TMEM39A: variants seen among roughly 807,000 people sequenced by gnomAD.
TMEM39A encodes transmembrane protein 39A.
Under a neutral mutation model 51.9 loss-of-function variants are expected in TMEM39A, and 19 were observed. The ratio of observed to expected loss-of-function variants is 0.37; its 90% CI spans 0.26 to 0.54. TMEM39A has a LOEUF of 0.54. Ranked by LOEUF, TMEM39A falls within the 20% of genes least tolerant of loss-of-function variation. The probability of loss-of-function intolerance (pLI) is 0.88; values close to 1 mark genes in which losing one functional copy is unlikely to be tolerated. For synonymous variants in TMEM39A, 197 were observed against 220.2 expected (o/e 0.89, Z 0.93); for missense variants, 433 against 590.5 (o/e 0.73, Z 2.76).
chr3:119,451,843 A>AAAAG, intron 4 of TMEM39A, among the ~76,000 whole-genome samples: 1 of 151,152 alleles, frequency 6.6e-6, no homozygotes, highest in East Asian at 1.9e-4. Context: ...AAAAAAAAAA[A>AAAAG]AAAAAAAAAG....
chr3:119,453,748 T>C (rs193071159), intron 3 of TMEM39A, among the ~76,000 whole-genome samples: 2 of 152,170 alleles, frequency 1.3e-5, no homozygotes, highest in Admixed American at 1.3e-4. Context: ...GTTTATTAAA[T>C]AGGGAAATAA....
At chr3:119,447,357 C>G (rs538703993) in intron 4 of TMEM39A, among the ~76,000 whole-genome samples, 185 bp from the exon 5 acceptor site, 1 of 152,306 alleles carries the variant, frequency 6.6e-6, no homozygotes, top group Non-Finnish European at 1.5e-5. Flanking sequence ...CTTCTCCAGG[C>G]ACAGTTGTTT....
In TMEM39A at chr3:119,434,746, A is replaced by G. The variant is rs773820626; in HGVS notation, c.1233+16T>C. On this transcript the variant is annotated intron_variant, in intron 8 of 8. Transcript: ENST00000319172. ...ACCCCTAAGCTTATGTTTGAAAATA[A>G]ATAAGCGGTACTTGCATAAAAGCGG... The G allele has an allele frequency of 6.2e-7, 1 of 1,613,102 alleles. No individual in the cohort carries two copies. Among genetic ancestry groups the G allele is most frequent in the African/African-American group, 1.3e-5 (1 of 75,004 alleles).
intron 5 of TMEM39A, among the ~76,000 whole-genome samples, chr3:119,440,491 AT>A (rs34066888): frequency 0.14 from 22,048 of 152,190 alleles, 2,007 homozygotes; most frequent in Admixed American, 0.2. Context: ...TGATAATGCA[AT>A]AGTAAAAACT....
chr3:119,454,501 C>G (rs2081240206), intron 3 of TMEM39A, among the ~76,000 whole-genome samples: 2 of 152,106 alleles, frequency 1.3e-5, no homozygotes, highest in Admixed American at 6.5e-5. Flanking sequence ...TTTTAAAAAT[C>G]AAAATATTGG....
chr3:119,429,000 T>C lies in TMEM39A; in HGVS notation c.*2981A>G, dbSNP rs991467060. ...ACTTTATTGGGCTTCACACTCAAGA[T>C]TGTTAATAGATCTGATATCTATTAC... On this transcript the variant is annotated 3_prime_UTR_variant, in exon 9 of 9. Transcript: ENST00000319172. Among the ~76,000 whole-genome samples the C allele has an allele frequency of 1.3e-5, 2 of 152,158 alleles. No homozygotes were observed. Among genetic ancestry groups the C allele is most frequent in the Non-Finnish European group, 2.9e-5 (2 of 67,998 alleles).
In TMEM39A at chr3:119,447,008, G is replaced by A. The variant is rs758918751; in HGVS notation, c.575+10C>T. ...ATTTACTAATAACATGGTAAAACTG[G>A]AGTACTCACGGGTAGCCAAGGAAAA... On this transcript the variant is annotated intron_variant, in intron 5 of 8. Coordinates refer to ENST00000319172, the MANE Select transcript of TMEM39A (RefSeq NM_018266.3). The A allele has an allele frequency of 6.2e-7, 1 of 1,610,616 alleles. No homozygotes were observed. The highest frequency in any genetic ancestry group is 8.5e-7 in the Non-Finnish European group (1 of 1,178,800).
intron 1 of TMEM39A, among the ~76,000 whole-genome samples, chr3:119,462,375 G>A (rs2081349760): frequency 6.6e-6 from 1 of 152,136 alleles, no homozygotes; most frequent in African/African-American, 2.4e-5. Context: ...GTGATGATTT[G>A]TGTCTTTTGT....
intron 5 of TMEM39A, among the ~76,000 whole-genome samples, chr3:119,445,666 A>C (rs1253025683): frequency 2.6e-5 from 4 of 152,252 alleles, no homozygotes; most frequent in Non-Finnish European, 5.9e-5. Context: ...TTGAGGAGGA[A>C]GCAAACTGAG....
chr3:119,450,711 A>G (rs1487659693), intron 4 of TMEM39A, among the ~76,000 whole-genome samples: 1 of 150,868 alleles, frequency 6.6e-6, no homozygotes, highest in Admixed American at 6.7e-5. Flanking sequence ...AATCCCAGCT[A>G]CTCAGGAGGC....
In TMEM39A at chr3:119,429,859, G is replaced by C. The variant is rs2080877391; in HGVS notation, c.*2122C>G. ...GTTCTGTGCTATTCCCTTAGGATAG[G>C]ACCAAGACAGATCAAGCCAGAAGGG... is the stretch of plus-strand genomic sequence containing the variant. On this transcript the variant is annotated 3_prime_UTR_variant, in exon 9 of 9. Transcript: ENST00000319172. The C allele has an allele frequency of 1.3e-5, 2 of 152,052 alleles. No individual in the cohort carries two copies. Among genetic ancestry groups the C allele is most frequent in the Non-Finnish European group, 2.9e-5 (2 of 67,994 alleles). 9.4% of individuals were successfully genotyped at this position (152,052 alleles called of 1,614,324 possible). A position where few individuals can be genotyped will look rare whatever the true frequency, so the allele number is the denominator to read the frequency against.
chr3:119,435,777 C>A, intron 7 of TMEM39A: 1 of 1,187,766 alleles, frequency 8.4e-7, no homozygotes. Context: ...GATGATACAC[C>A]TCATGGCCAT....
chr3:119,462,117 C>A lies in TMEM39A; in HGVS notation c.-43G>T, dbSNP rs1470615259. The A allele has an allele frequency of 2.7e-6, 4 of 1,506,950 alleles. No individual in the cohort carries two copies. The highest frequency in any genetic ancestry group is 2.8e-6 in the Non-Finnish European group (3 of 1,086,154). The allele number at this position is 1,506,950 out of a possible 1,614,324, so 93.3% of individuals were successfully genotyped here. ...CTTCCAGTGCCACCTGTAGTTGCAACCCAGGTTAATGGTTGTCAACCAGTT... is the reference window on the plus strand; with the variant it reads ...CTTCCAGTGCCACCTGTAGTTGCAAACCAGGTTAATGGTTGTCAACCAGTT... On this transcript the variant is annotated 5_prime_UTR_variant, in exon 2 of 9. Transcript: ENST00000319172.
At chr3:119,459,439 A>G (rs1278619331) in intron 2 of TMEM39A, among the ~76,000 whole-genome samples, 3 of 152,224 alleles carry the variant, frequency 2.0e-5, no homozygotes, top group Admixed American at 6.5e-5. Context: ...GAGGTAGGGA[A>G]AGCAGTGGTC....
chr3:119,435,854 A>C (rs1178133059), intron 7 of TMEM39A: 1 of 1,289,338 alleles, frequency 7.8e-7, no homozygotes, highest in African/African-American at 1.5e-5. Flanking sequence ...TTTTATTGAA[A>C]TCTGTCCTTT....
At chr3:119,446,486 GCACAC>G (rs2081126733) in intron 5 of TMEM39A, among the ~76,000 whole-genome samples, 1 of 152,126 alleles carries the variant, frequency 6.6e-6, no homozygotes, top group African/African-American at 2.4e-5. Context: ...ACTCAGAACA[GCACAC>G]AATTTAAAAC....
chr3:119,450,092 G>A (rs7652453), intron 4 of TMEM39A, among the ~76,000 whole-genome samples: 152,367 of 152,368 alleles, frequency 1, 76,183 homozygotes, highest in Middle Eastern at 1. Context: ...TATTTTAGGA[G>A]GAAAATCACT....
chr3:119,458,086 G>C lies in TMEM39A; in HGVS notation c.268C>G (p.Gln90Glu). Residue 90 changes from glutamine (Q) to glutamate (E), a missense_variant, in exon 3 of 9, where the codon CAG (glutamine) becomes GAG (glutamate). This residue lies in a region of TMEM39A where 170 missense variants were observed against 239.8 expected (regional missense o/e 0.71). Transcript: ENST00000319172. The stretch of plus-strand genomic sequence containing the variant: ...ACTGTTTTATAAATGTTGATGTACT[G>C]AATGAAAAGAGCAACCAACAGGTAG... ...FIYLLVALFIQYINIYKTVWW... is the reference protein window; with the variant it reads ...FIYLLVALFIEYINIYKTVWW... 6.2e-7 allele frequency: 1 copy of C among 1,614,050 alleles called. No homozygotes were observed. Among genetic ancestry groups the C allele is most frequent in the Non-Finnish European group, 8.5e-7 (1 of 1,179,972 alleles).
chr3:119,461,764 A>G (rs2081342563), intron 2 of TMEM39A, among the ~76,000 whole-genome samples, 198 bp downstream of exon 2: 1 of 152,182 alleles, frequency 6.6e-6, no homozygotes, highest in Non-Finnish European at 1.5e-5. Flanking sequence ...GACTGCTTTC[A>G]CTTTGTGGGC....
Sources: gnomAD v4.1 joint callset for allele counts (sites outside exome capture counted in the v4.1 genomes callset) on GRCh38, gnomAD v4.1.1 for gene constraint, gnomAD v4.1.1 regional missense constraint, MANE v1.5 for transcripts, NCBI Gene and HGNC (gene_info 2026-07-23, HGNC 2026-07-21) for gene names.